The following MKX variants were observed in gnomAD, a reference collection of about 807,000 sequenced individuals.
MKX encodes the protein mohawk homeobox, also known as homeobox protein Mohawk.
A neutral mutation model predicts 36.0 loss-of-function variants in MKX; 13 were observed. That is an observed-to-expected ratio of 0.36 (90% CI 0.24 to 0.57). The LOEUF is 0.57. Among genes scored for constraint, MKX ranks in the 20% least tolerant of loss-of-function variants. The pLI is 0.79. For synonymous variants in MKX, 176 were observed against 178.3 expected, an observed-to-expected ratio of 0.99 and a Z score of 0.10; for missense variants, 458 against 456.4, an observed-to-expected ratio of 1.00 and a Z score of -0.03.
At chr10:27,684,943 A>G (rs1207429465) in intron 5 of MKX, among the ~76,000 whole-genome samples, 1 of 152,268 alleles carries the variant, frequency 6.6e-6, no homozygotes, top group Non-Finnish European at 1.5e-5. Flanking sequence ...GCTGCTGTTA[A>G]TATTTATTGA....
intron 5 of MKX, among the ~76,000 whole-genome samples, chr10:27,701,302 A>ACGCGGTGCACATCACGGCAC (rs1554771217): frequency 0.061 from 9,196 of 151,488 alleles, 390 homozygotes; most frequent in Non-Finnish European, 0.088. Flanking sequence ...ACATCACGGC[A>ACGCGGTGCACATCACGGCAC]CGCAGCGCAT....
chr10:27,723,349 A>G (rs184717683), intron 5 of MKX, among the ~76,000 whole-genome samples: 27 of 152,318 alleles, frequency 1.8e-4, no homozygotes, highest in Admixed American at 1.4e-3. Context: ...CACTAGTGAC[A>G]AGGTTATGAA....
chr10:27,697,005 C>T (rs1836567856), intron 5 of MKX, among the ~76,000 whole-genome samples: 1 of 152,146 alleles, frequency 6.6e-6, no homozygotes, highest in African/African-American at 2.4e-5. Context: ...CACGTGTTAC[C>T]TAAAAGACTT....
chr10:27,719,033 T>C (rs548181675), intron 5 of MKX, among the ~76,000 whole-genome samples: 1 of 152,342 alleles, frequency 6.6e-6, no homozygotes, highest in African/African-American at 2.4e-5. Context: ...GTCTGTGTTA[T>C]AGAATTACCC....
intron 5 of MKX, among the ~76,000 whole-genome samples, chr10:27,724,667 A>G (rs1834449127): frequency 6.6e-6 from 1 of 151,940 alleles, no homozygotes; most frequent in Non-Finnish European, 1.5e-5. Flanking sequence ...AGTGTTATGT[A>G]CAAGGCAGAG....
At chr10:27,737,699 A>G (rs1346053501) in intron 3 of MKX, among the ~76,000 whole-genome samples, 2 of 152,094 alleles carry the variant, frequency 1.3e-5, no homozygotes, top group African/African-American at 4.8e-5. Context: ...TTTCACACAC[A>G]GAGTACAGCC....
chr10:27,726,015 A>T (rs969621201), intron 5 of MKX, among the ~76,000 whole-genome samples: 1 of 152,200 alleles, frequency 6.6e-6, no homozygotes, highest in East Asian at 1.9e-4. Context: ...AGTCTTAAAT[A>T]TAGTGACATG....
intron 4 of MKX, 94 bp from the exon 5 acceptor site, chr10:27,734,885 A>C: frequency 1.4e-6 from 1 of 706,746 alleles, no homozygotes; most frequent in Non-Finnish European, 2.1e-6. Flanking sequence ...ATATAAAGGA[A>C]ATATATTTAA....
At chr10:27,690,965 G>A (rs1416208633) in intron 5 of MKX, among the ~76,000 whole-genome samples, 1 of 152,062 alleles carries the variant, frequency 6.6e-6, no homozygotes, top group Non-Finnish European at 1.5e-5. Context: ...GGTTTTATAA[G>A]GCAATTTTCC....
In MKX at chr10:27,741,099, C is replaced by T. The variant is rs1441776524; in HGVS notation, c.348+246G>A. ...ATTCTGATGCTCACTAATGTTGAACCTTCTCGTAAGTCTGCAGTTTACTTT... is the reference window on the plus strand; with the variant it reads ...ATTCTGATGCTCACTAATGTTGAACTTTCTCGTAAGTCTGCAGTTTACTTT... On this transcript the variant is annotated intron_variant, in intron 3 of 6. Coordinates refer to ENST00000419761, the MANE Select transcript of MKX (RefSeq NM_173576.3). The surrounding 1 kb of genome is among the most constrained non-coding windows in gnomAD (Gnocchi z 5.1). 6.6e-6 allele frequency among the ~76,000 whole-genome samples: 1 copy of T among 152,172 alleles called. No homozygotes were observed. The highest frequency in any genetic ancestry group is 1.5e-5 in the Non-Finnish European group (1 of 68,030).
At chr10:27,712,736 G>A (rs1836894605) in intron 5 of MKX, among the ~76,000 whole-genome samples, 1 of 152,156 alleles carries the variant, frequency 6.6e-6, no homozygotes, top group African/African-American at 2.4e-5. Context: ...ATTTCTTGAG[G>A]CCAGGAGTTT....
chr10:27,739,491 T>G (rs757559758), intron 3 of MKX, among the ~76,000 whole-genome samples: 6 of 152,118 alleles, frequency 3.9e-5, no homozygotes, highest in Non-Finnish European at 8.8e-5. Context: ...AAATTTCATG[T>G]AAAGCATATT....
intron 5 of MKX, among the ~76,000 whole-genome samples, chr10:27,684,182 G>A (rs940345549): frequency 2.0e-5 from 3 of 152,070 alleles, no homozygotes; most frequent in African/African-American, 4.8e-5. Context: ...AGGCATGGTG[G>A]TGTGTGCCTG....
intron 5 of MKX, among the ~76,000 whole-genome samples, chr10:27,729,074 G>T (rs1834558636): frequency 6.6e-6 from 1 of 152,176 alleles, no homozygotes. Flanking sequence ...CCATCAAGCA[G>T]ATGGGAAGTT....
intron 5 of MKX, among the ~76,000 whole-genome samples, chr10:27,691,783 T>C (rs1179769507): frequency 6.6e-6 from 1 of 152,202 alleles, no homozygotes; most frequent in Non-Finnish European, 1.5e-5. Context: ...TAGCTCTAAT[T>C]TATAAATGAG....
At chr10:27,708,461 G>A (rs1836795100) in intron 5 of MKX, among the ~76,000 whole-genome samples, 1 of 152,164 alleles carries the variant, frequency 6.6e-6, no homozygotes. Context: ...GCCGGGCGCG[G>A]TTGCTCATGG....
intron 5 of MKX, among the ~76,000 whole-genome samples, chr10:27,681,223 A>T (rs1206799627): frequency 1.3e-5 from 2 of 152,016 alleles, no homozygotes; most frequent in Non-Finnish European, 2.9e-5. Flanking sequence ...GAGGCGGGTG[A>T]ATCACTTGAG....
chr10:27,680,980 T>A (rs371205114), intron 5 of MKX, among the ~76,000 whole-genome samples: 10 of 152,094 alleles, frequency 6.6e-5, no homozygotes, highest in African/African-American at 2.4e-4. Flanking sequence ...TTTAAAACAA[T>A]AAAAGAAGGT....
intron 5 of MKX, among the ~76,000 whole-genome samples, chr10:27,721,386 C>T (rs1240091295): frequency 1.3e-5 from 2 of 152,244 alleles, no homozygotes; most frequent in African/African-American, 2.4e-5. Context: ...AAATGCCCAT[C>T]AATGATAGAC....
Sources: gnomAD v4.1 joint callset for allele counts (sites outside exome capture counted in the v4.1 genomes callset) on GRCh38, gnomAD v4.1.1 for gene constraint, Gnocchi (gnomAD v3.1) non-coding constraint, MANE v1.5 for transcripts, NCBI Gene and HGNC (gene_info 2026-07-23, HGNC 2026-07-21) for gene names.